Variants in C12orf56 observed in about 807,000 individuals in gnomAD.
The protein encoded by C12orf56 is uncharacterized protein C12orf56.
In C12orf56, 71 loss-of-function variants were observed where a neutral mutation model predicts 69.9. That is an observed-to-expected ratio of 1.02 (90% CI 0.84 to 1.24). The LOEUF is 1.24. C12orf56 is among the 50% of genes most tolerant of loss of function. The pLI, the probability that C12orf56 is intolerant of heterozygous loss-of-function variation, is 0.00. For synonymous variants in C12orf56, 276 were observed against 274.1 expected (o/e 1.01, Z -0.07); for missense variants, 732 against 738.5 (o/e 0.99, Z 0.10).
intron 5 of C12orf56, among the ~76,000 whole-genome samples, chr12:64,305,003 C>T (rs1273613564): frequency 6.6e-6 from 1 of 152,092 alleles, no homozygotes; most frequent in Non-Finnish European, 1.5e-5. Context: ...GCCGTTTATC[C>T]CAATACTAGC....
intron 8 of C12orf56, 21 bp downstream of exon 8, chr12:64,284,643 A>T: frequency 6.4e-7 from 1 of 1,574,384 alleles, no homozygotes; most frequent in Non-Finnish European, 8.6e-7. Context: ...CAAGGTCCCA[A>T]TGTCTTCTAA....
rs554324717 is a variant in C12orf56, at chr12:64,381,514, TTAAACTA to T, written c.252+8793_252+8799del. On this transcript the variant is annotated intron_variant, in intron 1 of 12. Coordinates refer to ENST00000543942, the MANE Select transcript of C12orf56 (RefSeq NM_001170633.2). Reference sequence around the variant, plus strand: ...GGAAAGGGCTGTTATTATCTTTGTTTTAAACTATAAACTATAAACTAAGTTCCTCCAA... The same window carrying T: ...GGAAAGGGCTGTTATTATCTTTGTTTTAAACTATAAACTAAGTTCCTCCAA... Among the ~76,000 whole-genome samples the T allele has an allele frequency of 8.2e-4, 125 of 152,348 alleles. 1 individual carries two copies. The highest frequency in any genetic ancestry group is 2.2e-3 in the Admixed American group (33 of 15,302).
chr12:64,358,893 A>G (rs925607273), intron 1 of C12orf56, among the ~76,000 whole-genome samples: 3 of 152,206 alleles, frequency 2.0e-5, no homozygotes, highest in African/African-American at 7.2e-5. Context: ...CTTGGACTTA[A>G]GTAAAGAGGG....
chr12:64,371,255 AC>A (rs944489807), intron 1 of C12orf56, among the ~76,000 whole-genome samples: 4 of 151,314 alleles, frequency 2.6e-5, no homozygotes, highest in Non-Finnish European at 4.4e-5. Flanking sequence ...TTACAAAAAA[AC>A]ATTAGCCGGG....
At chr12:64,325,821 A>C (rs929806616) in intron 3 of C12orf56, among the ~76,000 whole-genome samples, 8 of 152,152 alleles carry the variant, frequency 5.3e-5, no homozygotes, top group Non-Finnish European at 5.9e-5. Flanking sequence ...AAGAGTTTCA[A>C]TCTACCCCAC....
intron 8 of C12orf56, among the ~76,000 whole-genome samples, chr12:64,281,630 C>T (rs1054645810): frequency 6.6e-6 from 1 of 151,916 alleles, no homozygotes; most frequent in Non-Finnish European, 1.5e-5. Context: ...TACTGGGCTA[C>T]GTAATACTAT....
chr12:64,300,966 G>A (rs1006239756), intron 6 of C12orf56, among the ~76,000 whole-genome samples: 1 of 152,182 alleles, frequency 6.6e-6, no homozygotes, highest in African/African-American at 2.4e-5. Context: ...CTGTTTTCAC[G>A]ATGGTGAGGG....
chr12:64,309,208 A>G lies in C12orf56; in HGVS notation c.968+3471T>C, dbSNP rs1471357266. ...GCATTAAGTTAATTCACAATGTTCT[A>G]CAAGTATCACCACTATCCATTTCCA... On this transcript the variant is annotated intron_variant, in intron 5 of 12. Coordinates refer to ENST00000543942, the MANE Select transcript of C12orf56 (RefSeq NM_001170633.2). Among the ~76,000 whole-genome samples, 5 of 152,212 alleles carry G rather than the reference A, an allele frequency of 3.3e-5. 1 individual carries two copies. Among genetic ancestry groups the G allele is most frequent in the Admixed American group, 3.3e-4 (5 of 15,272 alleles).
intron 3 of C12orf56, among the ~76,000 whole-genome samples, chr12:64,324,045 A>G (rs560464516): frequency 1.3e-5 from 2 of 152,228 alleles, no homozygotes; most frequent in Non-Finnish European, 2.9e-5. Flanking sequence ...GCAGAAGCTC[A>G]TAAGTCACAT....
chr12:64,283,588 G>C (rs1235217231), intron 8 of C12orf56, among the ~76,000 whole-genome samples: 3 of 152,060 alleles, frequency 2.0e-5, no homozygotes, highest in Non-Finnish European at 4.4e-5. Context: ...GAGAATGTGA[G>C]CAGAAGTGTT....
chr12:64,334,042 G>T (rs959041363), intron 2 of C12orf56, among the ~76,000 whole-genome samples: 11 of 152,196 alleles, frequency 7.2e-5, no homozygotes, highest in Non-Finnish European at 1.6e-4. Flanking sequence ...TGCTTCTTCA[G>T]TGGCTTGGAT....
chr12:64,314,796 G>A (rs1487233712), intron 4 of C12orf56, among the ~76,000 whole-genome samples: 4 of 150,180 alleles, frequency 2.7e-5, no homozygotes, highest in Non-Finnish European at 4.4e-5. Context: ...CACCACGCCC[G>A]GCTAATTTTT....
chr12:64,339,106 T>TAAGC (rs2039037342), intron 2 of C12orf56, among the ~76,000 whole-genome samples: 1 of 152,226 alleles, frequency 6.6e-6, no homozygotes, highest in South Asian at 2.1e-4. Context: ...ACATGGTATA[T>TAAGC]AAGCACTCAG....
intron 3 of C12orf56, among the ~76,000 whole-genome samples, chr12:64,321,455 A>T (rs1428372167): frequency 1.3e-5 from 2 of 152,074 alleles, no homozygotes; most frequent in Non-Finnish European, 2.9e-5. Context: ...GGTTACAGGC[A>T]TGAGCCACTG....
Position 64,312,697 on chromosome 12 carries a change from C to T in C12orf56, c.950G>A (p.Gly317Glu). 1 of 1,536,224 alleles carries T rather than the reference C, an allele frequency of 6.5e-7. No individual in the cohort carries two copies. The highest frequency in any genetic ancestry group is 2.4e-5 in the East Asian group (1 of 40,892). Reference sequence around the variant, plus strand: ...TTCTTACCTATATGGCTTTTGACTTCCAATAGCAGGACTGAACTCACTAGC... The same window carrying T: ...TTCTTACCTATATGGCTTTTGACTTTCAATAGCAGGACTGAACTCACTAGC... The part of the protein sequence containing the change: ...FYASEFSPAI[G>E]SQKPYRSEEK... The change falls in exon 5 of 13, where the codon GGA (glycine) becomes GAA (glutamate). Residue 317 changes from glycine (G) to glutamate (E), a missense_variant. Gly to Glu is a moderately conservative substitution (Grantham distance 98). Transcript: ENST00000543942.
chr12:64,332,430 C>T, intron 2 of C12orf56, among the ~76,000 whole-genome samples: 1 of 151,886 alleles, frequency 6.6e-6, no homozygotes, highest in Non-Finnish European at 1.5e-5. Flanking sequence ...GAGAATAATC[C>T]ACCTCTTCAA....
At chr12:64,307,972 A>G (rs2038538401) in intron 5 of C12orf56, among the ~76,000 whole-genome samples, 1 of 151,038 alleles carries the variant, frequency 6.6e-6, no homozygotes, top group South Asian at 2.1e-4. Flanking sequence ...GCTGTGATCA[A>G]GCCACTTCAC....
At chr12:64,382,361 C>T (rs932252211) in intron 1 of C12orf56, among the ~76,000 whole-genome samples, 1 of 151,344 alleles carries the variant, frequency 6.6e-6, no homozygotes, top group Non-Finnish European at 1.5e-5. Context: ...TCCAAATTTG[C>T]TAAATTTCCT....
intron 2 of C12orf56, among the ~76,000 whole-genome samples, chr12:64,336,045 G>C (rs752103788): frequency 6.6e-6 from 1 of 152,188 alleles, no homozygotes; most frequent in Non-Finnish European, 1.5e-5. Context: ...GTTTGGGCCT[G>C]TCTCTTGCTT....
Sources: allele counts gnomAD v4.1 joint callset (sites outside exome capture counted in the v4.1 genomes callset), GRCh38; gene constraint gnomAD v4.1.1; transcripts MANE v1.5; gene names NCBI Gene and HGNC (gene_info 2026-07-23, HGNC 2026-07-21).